The following TAFA5 variants were observed in gnomAD, a reference collection of about 807,000 sequenced individuals.
The protein encoded by TAFA5 is chemokine-like protein TAFA-5.
TAFA5 carries 6 observed loss-of-function variants against 15.3 expected under a neutral mutation model. The observed-to-expected ratio is 0.39, with a 90% CI of 0.21 to 0.77. The LOEUF (loss-of-function observed/expected upper bound fraction) is 0.77, where lower values mean the gene tolerates loss of function less well. TAFA5 is among the 30% of genes least tolerant of loss of function. The pLI, the probability that TAFA5 is intolerant of heterozygous loss-of-function variation, is 0.41. For synonymous variants in TAFA5, 103 were observed against 80.7 expected (o/e 1.28, Z -1.48); for missense variants, 161 against 193.1 (o/e 0.83, Z 0.98).
chr22:48,647,399 C>T lies in TAFA5; in HGVS notation c.262+653C>T, dbSNP rs553628928. Among the ~76,000 whole-genome samples the T allele has an allele frequency of 3.3e-5, 5 of 152,196 alleles. No homozygotes were observed. In the South Asian group the frequency reaches 6.2e-4, roughly 19 times the overall value. ...TGACATGGGGCGGGAGGGGCTGTCCCGGCGTCTGGTGGGAGCCTGTCATCT... is the reference window on the plus strand; with the variant it reads ...TGACATGGGGCGGGAGGGGCTGTCCTGGCGTCTGGTGGGAGCCTGTCATCT... On this transcript the variant is annotated intron_variant, in intron 2 of 3. Transcript: ENST00000402357.
At chr22:48,680,834 C>T (rs1471461274) in intron 2 of TAFA5, among the ~76,000 whole-genome samples, 1 of 152,246 alleles carries the variant, frequency 6.6e-6, no homozygotes, top group Non-Finnish European at 1.5e-5. Context: ...TCCCACTGTG[C>T]CACCGTCCAG....
chr22:48,685,123 A>G (rs1276064776), intron 2 of TAFA5, among the ~76,000 whole-genome samples: 1 of 152,214 alleles, frequency 6.6e-6, no homozygotes, highest in African/African-American at 2.4e-5. Flanking sequence ...GGGGGCTTCC[A>G]GGTCATAGGT....
intron 3 of TAFA5, among the ~76,000 whole-genome samples, chr22:48,719,879 C>T (rs535379309): frequency 6.6e-6 from 1 of 152,026 alleles, no homozygotes; most frequent in South Asian, 2.1e-4. Context: ...AGCAGTGACA[C>T]TCTTCATTTT....
At chr22:48,617,883 C>T (rs1235500583) in intron 1 of TAFA5, among the ~76,000 whole-genome samples, 2 of 152,166 alleles carry the variant, frequency 1.3e-5, no homozygotes, top group African/African-American at 2.4e-5. Context: ...CCTGTCCTTA[C>T]GTGGTGTGCC....
intron 1 of TAFA5, among the ~76,000 whole-genome samples, chr22:48,501,819 C>T (rs1203546330): frequency 2.0e-5 from 3 of 152,218 alleles, no homozygotes; most frequent in Non-Finnish European, 4.4e-5. Flanking sequence ...CCGGAGGGTG[C>T]ATCTGTCCCC....
rs192505970 is a variant in TAFA5 at position 48,646,147 on chromosome 22, C to T, written c.113-450C>T. On this transcript the variant is annotated intron_variant, in intron 1 of 3. Coordinates refer to ENST00000402357, the MANE Select transcript of TAFA5 (RefSeq NM_001082967.3). ...CTGAGCGGGGGTCTGACCTATTTTC[C>T]GGCTCCAAAGTGCCACACCCTGGGG... 7.3e-3 allele frequency among the ~76,000 whole-genome samples: 1,113 copies of T among 152,218 alleles called. 15 individuals carry two copies. The highest frequency in any genetic ancestry group is 0.025 in the African/African-American group (1,043 of 41,534).
intron 1 of TAFA5, among the ~76,000 whole-genome samples, chr22:48,554,866 TG>T (rs1312848147): frequency 3.3e-5 from 5 of 152,194 alleles, no homozygotes; most frequent in African/African-American, 1.2e-4. Flanking sequence ...GCAGAGACAG[TG>T]GGACACTCAT....
intron 2 of TAFA5, among the ~76,000 whole-genome samples, chr22:48,702,521 C>T (rs1425778415): frequency 6.6e-6 from 1 of 152,098 alleles, no homozygotes; most frequent in Non-Finnish European, 1.5e-5. Flanking sequence ...GCACTGCAGA[C>T]ATAAATACGC....
intron 1 of TAFA5, among the ~76,000 whole-genome samples, chr22:48,511,318 G>T (rs73891040): frequency 0.04 from 6,071 of 152,212 alleles, 407 homozygotes; most frequent in African/African-American, 0.14. Context: ...TTTGTCTCCT[G>T]CTCCTTGGCA....
At chr22:48,687,721 T>C (rs566218839) in intron 2 of TAFA5, among the ~76,000 whole-genome samples, 9 of 152,138 alleles carry the variant, frequency 5.9e-5, no homozygotes, top group African/African-American at 2.2e-4. Flanking sequence ...AGCACCCAGC[T>C]CCATACACAC....
At chr22:48,661,953 G>T (rs897411614) in intron 2 of TAFA5, among the ~76,000 whole-genome samples, 1 of 145,590 alleles carries the variant, frequency 6.9e-6, no homozygotes, top group African/African-American at 2.6e-5. Context: ...GGTGACTGGG[G>T]GCTCATTGGG....
intron 1 of TAFA5, among the ~76,000 whole-genome samples, chr22:48,632,577 G>A (rs919915748): frequency 2.6e-5 from 4 of 152,208 alleles, no homozygotes; most frequent in African/African-American, 7.2e-5. Context: ...CGCACAGAAC[G>A]TGCCGGGCCC....
At chr22:48,602,215 C>T (rs1412494238) in intron 1 of TAFA5, among the ~76,000 whole-genome samples, 1 of 152,136 alleles carries the variant, frequency 6.6e-6, no homozygotes, top group Non-Finnish European at 1.5e-5. Context: ...GCCTCATCCT[C>T]AGAGACAGTG....
chr22:48,492,136 C>CCT (rs907858962), intron 1 of TAFA5, among the ~76,000 whole-genome samples: 2 of 150,946 alleles, frequency 1.3e-5, no homozygotes, highest in South Asian at 2.1e-4. Context: ...ATCCCCCCCC[C>CCT]TTTTTTCAGA....
intron 1 of TAFA5, among the ~76,000 whole-genome samples, chr22:48,592,216 C>T (rs537411077): frequency 6.6e-6 from 1 of 152,264 alleles, no homozygotes; most frequent in East Asian, 1.9e-4. Context: ...GTGCCAGCCT[C>T]CTTTCTTTCT....
intron 1 of TAFA5, among the ~76,000 whole-genome samples, chr22:48,616,916 G>C (rs1342025801): frequency 6.6e-6 from 1 of 152,178 alleles, no homozygotes; most frequent in Non-Finnish European, 1.5e-5. Flanking sequence ...TGGGTGTCCA[G>C]TCTCCTTGGT....
Position 48,692,686 on chromosome 22 carries a change from G to A in TAFA5, c.263-15031G>A, listed in dbSNP as rs548229433. Among the ~76,000 whole-genome samples the A allele has an allele frequency of 7.9e-5, 12 of 152,364 alleles. No individual in the cohort carries two copies. The East Asian group carries it at 2.3e-3, about 29-fold the overall frequency. On this transcript the variant is annotated intron_variant, in intron 2 of 3. Coordinates refer to ENST00000402357, the MANE Select transcript of TAFA5 (RefSeq NM_001082967.3). ...CAGGGCACAGCAGTGCTGTAGGATGGGGAACTCCGCAGAGCTCTCCAGCAT... is the reference window on the plus strand; with the variant it reads ...CAGGGCACAGCAGTGCTGTAGGATGAGGAACTCCGCAGAGCTCTCCAGCAT...
rs1286629510 is a variant in TAFA5 at position 48,552,024 on chromosome 22, C to T, written c.112+62320C>T. Among the ~76,000 whole-genome samples the T allele has an allele frequency of 6.6e-6, 1 of 152,238 alleles. No homozygotes were observed. The highest frequency in any genetic ancestry group is 6.5e-5 in the Admixed American group (1 of 15,290). On this transcript the variant is annotated intron_variant, in intron 1 of 3. Coordinates refer to ENST00000402357, the MANE Select transcript of TAFA5 (RefSeq NM_001082967.3). The surrounding 1 kb of genome is among the most constrained non-coding windows in gnomAD (Gnocchi z 4.1). ...GGCCCCACGCCCTGCGATGGCCGTT[C>T]AGCTCTGACTGTCCTCCCGGCAGGA... is the stretch of plus-strand genomic sequence containing the variant.
intron 1 of TAFA5, among the ~76,000 whole-genome samples, chr22:48,601,412 T>A (rs1924968663): frequency 6.6e-6 from 1 of 152,162 alleles, no homozygotes; most frequent in Non-Finnish European, 1.5e-5. Flanking sequence ...CCGCAACCTC[T>A]GCCTCCCAGG....
Sources: gnomAD v4.1 joint callset for allele counts (sites outside exome capture counted in the v4.1 genomes callset) on GRCh38, gnomAD v4.1.1 for gene constraint, Gnocchi (gnomAD v3.1) non-coding constraint, MANE v1.5 for transcripts, NCBI Gene and HGNC (gene_info 2026-07-23, HGNC 2026-07-21) for gene names.